Variants in CMPK1 observed in about 807,000 individuals in gnomAD.
The protein encoded by CMPK1 is cytidine/uridine monophosphate kinase 1.
A neutral mutation model predicts 25.7 loss-of-function variants in CMPK1; 10 were observed. The observed-to-expected ratio is 0.39, with a 90% CI of 0.24 to 0.66. CMPK1 has a LOEUF of 0.66. CMPK1 is among the 30% of genes least tolerant of loss of function. The pLI is 0.48. For missense variants in CMPK1, 199 were observed against 280.5 expected (o/e 0.71, Z 2.08); for synonymous variants, 106 against 101.5 (o/e 1.04, Z -0.27).
chr1:47,375,570 G>A (rs1291511561), intron 5 of CMPK1, among the ~76,000 whole-genome samples: 1 of 152,048 alleles, frequency 6.6e-6, no homozygotes, highest in Non-Finnish European at 1.5e-5. Context: ...AACCTAAAAT[G>A]AGGTTTATAA....
At chr1:47,362,352 G>A (rs1206157754) in intron 1 of CMPK1, among the ~76,000 whole-genome samples, 1 of 132,398 alleles carries the variant, frequency 7.6e-6, no homozygotes, top group Non-Finnish European at 1.6e-5. Context: ...TGTATTTTTA[G>A]TAGAGACAGG....
At chr1:47,376,088 T>G (rs1181779846) in intron 5 of CMPK1, among the ~76,000 whole-genome samples, 1 of 151,882 alleles carries the variant, frequency 6.6e-6, no homozygotes, top group Non-Finnish European at 1.5e-5. Flanking sequence ...TTATATTTTA[T>G]CAAATTATTG....
intron 1 of CMPK1, among the ~76,000 whole-genome samples, chr1:47,355,009 T>C (rs1646549606): frequency 6.6e-6 from 1 of 152,174 alleles, no homozygotes; most frequent in Non-Finnish European, 1.5e-5. Context: ...TGAACATTAG[T>C]TTTATAAAAT....
intron 1 of CMPK1, among the ~76,000 whole-genome samples, chr1:47,362,638 A>G (rs1646611641): frequency 6.6e-6 from 1 of 152,348 alleles, no homozygotes; most frequent in East Asian, 1.9e-4. Flanking sequence ...ATTACTCTTT[A>G]TTAGAAAAAG....
chr1:47,357,681 C>T (rs542632899), intron 1 of CMPK1, among the ~76,000 whole-genome samples: 2 of 151,986 alleles, frequency 1.3e-5, no homozygotes, highest in East Asian at 1.9e-4. Flanking sequence ...GACAGGGTTT[C>T]GCCATGTTGG....
chr1:47,364,011 T>C (rs1646621693), intron 1 of CMPK1, among the ~76,000 whole-genome samples: 1 of 152,140 alleles, frequency 6.6e-6, no homozygotes, highest in South Asian at 2.1e-4. Context: ...TTGTGGGCTC[T>C]AAAGCTGTTG....
At chr1:47,336,316 ATGT>A (rs1403833136) in intron 1 of CMPK1, among the ~76,000 whole-genome samples, 4 of 152,062 alleles carry the variant, frequency 2.6e-5, no homozygotes, top group Admixed American at 1.3e-4. Flanking sequence ...AGGCCCAGAG[ATGT>A]TGTTGCCTTT....
chr1:47,343,553 T>G (rs1003036218), intron 1 of CMPK1, among the ~76,000 whole-genome samples: 1 of 149,216 alleles, frequency 6.7e-6, no homozygotes, highest in Non-Finnish European at 1.5e-5. Flanking sequence ...TCCCTGTACT[T>G]GTCATTTATT....
chr1:47,350,298 A>G (rs957170405), intron 1 of CMPK1, among the ~76,000 whole-genome samples: 4 of 152,038 alleles, frequency 2.6e-5, no homozygotes, highest in Non-Finnish European at 5.9e-5. Flanking sequence ...GTGCAGTGAC[A>G]TGATCATGGC....
chr1:47,372,162 C>T lies in CMPK1; in HGVS notation c.319-793C>T, dbSNP rs910311097. On this transcript the variant is annotated intron_variant, in intron 2 of 5. Coordinates refer to ENST00000371873, the MANE Select transcript of CMPK1 (RefSeq NM_016308.3). Reference sequence around the variant, plus strand: ...AGGCTGGAGTGCTGTGGCACGATCTCGGCTTACTGAAACCTCCACCTCCTG... The same window carrying T: ...AGGCTGGAGTGCTGTGGCACGATCTTGGCTTACTGAAACCTCCACCTCCTG... Among the ~76,000 whole-genome samples, 13 of 151,302 alleles carry T rather than the reference C, an allele frequency of 8.6e-5. No homozygotes were observed. In the South Asian group the frequency reaches 1.7e-3, roughly 19 times the overall value.
In CMPK1 at chr1:47,362,185, T is replaced by TTC. The variant is rs1553189449; in HGVS notation, c.172-6284_172-6283insTC. 4.7e-5 allele frequency among the ~76,000 whole-genome samples: 7 copies of TTC among 149,348 alleles called. 1 individual carries two copies. The South Asian group carries it at 8.6e-4, about 18-fold the overall frequency. ...GCACCCGGCCTTTTTTTTTTTTTTT[T>TTC]CGAGACGGAGTTTGGCTCTTGTTGC... On this transcript the variant is annotated intron_variant, in intron 1 of 5. Transcript: ENST00000371873.
At chr1:47,354,206 G>A (rs139458379) in intron 1 of CMPK1, among the ~76,000 whole-genome samples, 261 of 152,192 alleles carry the variant, frequency 1.7e-3, no homozygotes, top group African/African-American at 5.6e-3. Context: ...TGGCATGCTC[G>A]TAGTCCCAGC....
chr1:47,364,628 T>A (rs1294006677), intron 1 of CMPK1, among the ~76,000 whole-genome samples: 1 of 148,232 alleles, frequency 6.7e-6, no homozygotes, highest in Non-Finnish European at 1.5e-5. Context: ...TATATTTATA[T>A]TTTTAATATA....
intron 1 of CMPK1, among the ~76,000 whole-genome samples, chr1:47,366,413 ACAGCAGAATG>A (rs1197587597): frequency 2.6e-5 from 4 of 152,248 alleles, no homozygotes; most frequent in Non-Finnish European, 5.9e-5. Flanking sequence ...TTACTTAATG[ACAGCAGAATG>A]CTTTGAAAAT....
intron 1 of CMPK1, among the ~76,000 whole-genome samples, chr1:47,365,467 C>G (rs1646632917): frequency 6.6e-6 from 1 of 151,670 alleles, no homozygotes; most frequent in South Asian, 2.1e-4. Flanking sequence ...AACCCCATCT[C>G]TACAAAAAGT....
rs1646714085 is a variant in CMPK1 at position 47,377,282 on chromosome 1, A to AT, written c.*537_*538insT. The AT allele has an allele frequency of 6.6e-6, 1 of 152,514 alleles. No individual in the cohort carries two copies. The highest frequency in any genetic ancestry group is 6.5e-5 in the Admixed American group (1 of 15,284). The allele number at this position is 152,514 out of a possible 1,614,324, so 9.4% of individuals were successfully genotyped here. On this transcript the variant is annotated 3_prime_UTR_variant, in exon 6 of 6. Transcript: ENST00000371873. The stretch of plus-strand genomic sequence containing the variant: ...AAATAACTGACCATTTGCTGTAGAA[A>AT]GATGAGAAAACTTAAGCTTTGTTTT...
At chr1:47,370,073 C>T (rs1001715026) in intron 2 of CMPK1, among the ~76,000 whole-genome samples, 4 of 151,630 alleles carry the variant, frequency 2.6e-5, no homozygotes, top group Non-Finnish European at 5.9e-5. Flanking sequence ...CGCCATCAAG[C>T]CTGGATAATT....
intron 3 of CMPK1, among the ~76,000 whole-genome samples, chr1:47,373,848 T>G (rs995789138): frequency 3.3e-5 from 5 of 151,212 alleles, no homozygotes; most frequent in Admixed American, 1.3e-4. Flanking sequence ...GTCTTAAGAG[T>G]GAAATGATCT....
At chr1:47,351,803 G>GT (rs1019997887) in intron 1 of CMPK1, among the ~76,000 whole-genome samples, 66 of 151,596 alleles carry the variant, frequency 4.4e-4, no homozygotes, top group African/African-American at 1.5e-3. Flanking sequence ...GGTGTGAAGG[G>GT]TTTTTTGTTT....
Sources: allele counts gnomAD v4.1 joint callset (sites outside exome capture counted in the v4.1 genomes callset), GRCh38; gene constraint gnomAD v4.1.1; transcripts MANE v1.5; gene names NCBI Gene and HGNC (gene_info 2026-07-23, HGNC 2026-07-21).